RAC1: variants seen among roughly 807,000 people sequenced by gnomAD.
RAC1 encodes ras-related C3 botulinum toxin substrate 1.
RAC1 carries 2 observed loss-of-function variants against 25.2 expected under a neutral mutation model. The ratio of observed to expected loss-of-function variants is 0.08; its 90% confidence interval spans 0.03 to 0.25. RAC1 has a LOEUF of 0.25. Among genes scored for constraint, RAC1 ranks in the 10% least tolerant of loss-of-function variants. The pLI, the probability that RAC1 is intolerant of heterozygous loss-of-function variation, is 1.00. For synonymous variants in RAC1, 88 were observed against 94.0 expected, an observed-to-expected ratio of 0.94 and a Z score of 0.37; for missense variants, 50 against 235.7, an observed-to-expected ratio of 0.21 and a Z score of 5.16.
At chr7:6,376,210 T>A (rs1298718887) in intron 1 of RAC1, among the ~76,000 whole-genome samples, 1 of 106,308 alleles carries the variant, frequency 9.4e-6, no homozygotes, top group Non-Finnish European at 1.7e-5. Context: ...TGAGACGGAG[T>A]TTCACTCTGT....
intron 1 of RAC1, among the ~76,000 whole-genome samples, chr7:6,380,357 A>G (rs1020624187): frequency 6.9e-6 from 1 of 144,030 alleles, no homozygotes; most frequent in African/African-American, 2.8e-5. Context: ...TTTTCTTGAT[A>G]AGCCAAAAAA....
At chr7:6,388,528 A>G (rs34341986) in intron 2 of RAC1, among the ~76,000 whole-genome samples, 200 of 151,816 alleles carry the variant, frequency 1.3e-3, no homozygotes, top group African/African-American at 4.7e-3. Flanking sequence ...TTTCTTTAGT[A>G]GAGACGGGTT....
At chr7:6,377,067 G>C (rs1238462970) in intron 1 of RAC1, among the ~76,000 whole-genome samples, 1 of 152,000 alleles carries the variant, frequency 6.6e-6, no homozygotes, top group Non-Finnish European at 1.5e-5. Flanking sequence ...CAAGATGTTG[G>C]TTATTAACTA....
At chr7:6,376,715 T>A (rs1200823344) in intron 1 of RAC1, among the ~76,000 whole-genome samples, 1 of 145,182 alleles carries the variant, frequency 6.9e-6, no homozygotes, top group Non-Finnish European at 1.5e-5. Context: ...GAGACGGAGT[T>A]TCACCATGTT....
intron 3 of RAC1, among the ~76,000 whole-genome samples, chr7:6,396,103 C>G (rs1783228412): frequency 6.6e-6 from 1 of 152,098 alleles, no homozygotes; most frequent in Non-Finnish European, 1.5e-5. Flanking sequence ...ACGCGGGAGT[C>G]TGGGTTAGTC....
chr7:6,389,930 C>T, intron 2 of RAC1, among the ~76,000 whole-genome samples: 1 of 149,694 alleles, frequency 6.7e-6, no homozygotes, highest in East Asian at 2.1e-4. Flanking sequence ...CATTTCCTTC[C>T]TTCCTTCCCT....
At chr7:6,400,319 A>G (rs776672159) in intron 4 of RAC1, 131 bp downstream of exon 4, 3 of 837,130 alleles carry the variant, frequency 3.6e-6, no homozygotes, top group Non-Finnish European at 5.7e-6. Flanking sequence ...ACTTAAGTAC[A>G]TGATTGGGTT....
intron 1 of RAC1, among the ~76,000 whole-genome samples, chr7:6,380,453 G>A (rs1368301851): frequency 1.3e-5 from 2 of 152,096 alleles, no homozygotes; most frequent in Non-Finnish European, 2.9e-5. Flanking sequence ...AGTGGGAGGA[G>A]CATCAGGAAG....
At chr7:6,376,293 C>T (rs964008688) in intron 1 of RAC1, among the ~76,000 whole-genome samples, 1 of 146,784 alleles carries the variant, frequency 6.8e-6, no homozygotes, top group African/African-American at 2.5e-5. Flanking sequence ...AGCGATCCTC[C>T]TGCCTCAGTG....
At chr7:6,389,079 G>A (rs1783007644) in intron 2 of RAC1, among the ~76,000 whole-genome samples, 1 of 152,000 alleles carries the variant, frequency 6.6e-6, no homozygotes, top group Admixed American at 6.6e-5. Flanking sequence ...GTGCACTCCT[G>A]TAGTCCCAGC....
chr7:6,393,855 C>T (rs969677405), intron 3 of RAC1, among the ~76,000 whole-genome samples: 1 of 152,172 alleles, frequency 6.6e-6, no homozygotes, highest in Non-Finnish European at 1.5e-5. Context: ...TGTCTGGACT[C>T]CTTCAGAGAT....
intron 1 of RAC1, among the ~76,000 whole-genome samples, chr7:6,382,478 T>A (rs1045284518): frequency 6.6e-6 from 1 of 152,184 alleles, no homozygotes; most frequent in Non-Finnish European, 1.5e-5. Flanking sequence ...TTCCTAGCGT[T>A]TCTAGATTTG....
intron 1 of RAC1, among the ~76,000 whole-genome samples, chr7:6,378,083 TTC>T: frequency 6.6e-6 from 1 of 152,142 alleles, no homozygotes; most frequent in Non-Finnish European, 1.5e-5. Context: ...CTAGGGATGG[TTC>T]TGTCTTATCA....
In RAC1 at chr7:6,402,802, C is replaced by T. The variant is rs12977; in HGVS notation, c.*356C>T. ...CACTGCATTGTTGTGCCGAGAACACCGAGCACTGAACTTTGCAAAGACCTT... is the reference window on the plus strand; with the variant it reads ...CACTGCATTGTTGTGCCGAGAACACTGAGCACTGAACTTTGCAAAGACCTT... On this transcript the variant is annotated 3_prime_UTR_variant, in exon 6 of 6. Transcript: ENST00000348035. 17,502 of 212,132 alleles carry T rather than the reference C, an allele frequency of 0.083. 1,280 individuals carry two copies. Among genetic ancestry groups the T allele is most frequent in the African/African-American group, 0.21 (9,236 of 43,860 alleles). The allele number at this position is 212,132 out of a possible 1,614,324, so 13.1% of individuals were successfully genotyped here. A position where few individuals can be genotyped will look rare whatever the true frequency, so the allele number is the denominator to read the frequency against.
rs367679612 is a variant in RAC1 at position 6,387,643 on chromosome 7, C to T, written c.107+360C>T. ...GGGAGGCTGAGGCAGGAGAATCACTCGAACCGTGGAGGCGGAGGTTGCAGT... is the reference window on the plus strand; with the variant it reads ...GGGAGGCTGAGGCAGGAGAATCACTTGAACCGTGGAGGCGGAGGTTGCAGT... On this transcript the variant is annotated intron_variant, in intron 2 of 5. Transcript: ENST00000348035. Among the ~76,000 whole-genome samples, 11 of 151,654 alleles carry T rather than the reference C, an allele frequency of 7.3e-5. No homozygotes were observed. The East Asian group carries it at 1.2e-3, about 16-fold the overall frequency.
chr7:6,402,088 G>A (rs1783419365), intron 5 of RAC1, 61 bp downstream of exon 5: 2 of 1,559,970 alleles, frequency 1.3e-6, no homozygotes, highest in South Asian at 1.2e-5. Context: ...ACAGAGACTG[G>A]AGTCCAGTCT....
In RAC1 at chr7:6,392,533, A is replaced by G. The variant is rs35253135; in HGVS notation, c.225+492A>G. ...CCTAAATTTATTCAATGTAGATTGA[A>G]GTTTTGGTTTTGTAAAATGTATCCA... On this transcript the variant is annotated intron_variant, in intron 3 of 5. Coordinates refer to ENST00000348035, the MANE Select transcript of RAC1 (RefSeq NM_006908.5). 6.9e-3 allele frequency among the ~76,000 whole-genome samples: 1,049 copies of G among 152,328 alleles called. 30 individuals carry two copies. In the East Asian group the frequency reaches 0.098, roughly 14 times the overall value.
At chr7:6,388,865 A>C (rs1463205726) in intron 2 of RAC1, among the ~76,000 whole-genome samples, 2 of 152,168 alleles carry the variant, frequency 1.3e-5, no homozygotes, top group African/African-American at 2.4e-5. Flanking sequence ...GATTATTAGA[A>C]GCAAAATCGT....
rs116580625 is a variant in RAC1, at chr7:6,401,252, G to A, written c.289-616G>A. On this transcript the variant is annotated intron_variant, in intron 4 of 5. Transcript: ENST00000348035. ...ATTTCAGGTGTGAGCCACTATGCCC[G>A]GCCTAATACGTGGATTTTTAAAGCT... 5.3e-3 allele frequency among the ~76,000 whole-genome samples: 809 copies of A among 152,246 alleles called. 6 individuals are homozygous for A. Among genetic ancestry groups the A allele is most frequent in the African/African-American group, 0.019 (776 of 41,532 alleles).
Sources: gnomAD v4.1 joint callset for allele counts (sites outside exome capture counted in the v4.1 genomes callset) on GRCh38, gnomAD v4.1.1 for gene constraint, MANE v1.5 for transcripts, NCBI Gene and HGNC (gene_info 2026-07-23, HGNC 2026-07-21) for gene names.